Variants in FGD2 observed in about 807,000 individuals in gnomAD.
FGD2 encodes FYVE, RhoGEF and PH domain containing 2, also known as FYVE, RhoGEF and PH domain-containing protein 2.
A neutral mutation model predicts 75.9 loss-of-function variants in FGD2; 52 were observed. The observed-to-expected ratio is 0.69, with a 90% CI of 0.55 to 0.86. FGD2 has a LOEUF of 0.86. Among genes scored for constraint, FGD2 ranks in the 40% least tolerant of loss-of-function variants. The pLI, the probability that FGD2 is intolerant of heterozygous loss-of-function variation, is 0.00. For synonymous variants in FGD2, 347 were observed against 348.6 expected (o/e 1.00, Z 0.05); for missense variants, 790 against 872.0 (o/e 0.91, Z 1.18).
chr6:37,018,978 G>A (rs970621897), intron 9 of FGD2, among the ~76,000 whole-genome samples: 4 of 152,180 alleles, frequency 2.6e-5, no homozygotes, highest in Non-Finnish European at 4.4e-5. Context: ...AACCTGCTGG[G>A]GAGCTGGAAG....
intron 1 of FGD2, 151 bp from the exon 2 acceptor site, chr6:37,008,683 T>C: frequency 3.4e-6 from 2 of 584,500 alleles, no homozygotes; most frequent in African/African-American, 3.8e-5. Context: ...GAAGTGAAAG[T>C]CTTACTCAGC....
rs555038456 is a variant in FGD2, at chr6:37,026,422, C to T, written c.1605+484C>T. 55 of 982,742 alleles carry T rather than the reference C, an allele frequency of 5.6e-5. 1 individual carries two copies. The South Asian group carries it at 2.4e-3, about 42-fold the overall frequency. 60.9% of individuals were successfully genotyped at this position (982,742 alleles called of 1,614,324 possible). On this transcript the variant is annotated intron_variant, in intron 14 of 15. Transcript: ENST00000274963. ...CCCAGGGCTGGAGGAGTGACTTGCC[C>T]AAGATCACACAGCAAGTTAGGAGCC...
rs1765203762 is a variant in FGD2, at chr6:37,014,894, G to A, written c.885G>A (p.Glu295=). The change falls in exon 8 of 16, where the codon GAG becomes GAA. Residue 295 remains glutamate (E), a splice_region_variant and synonymous_variant. Coordinates refer to ENST00000274963, the MANE Select transcript of FGD2 (RefSeq NM_173558.4). The stretch of plus-strand genomic sequence containing the variant: ...GAGGATGCACCCCAACCCCCTAGGA[G>A]CGGCTGCAGGACCTGTGGGAGGTGT... ...QHSNAAITEM[E]RLQDLWEVYQ... 3.1e-6 allele frequency: 5 copies of A among 1,613,662 alleles called. No individual in the cohort carries two copies. In the African/African-American group the frequency reaches 6.7e-5, roughly 22 times the overall value.
At chr6:37,021,929 G>A in intron 12 of FGD2, 1 of 490,448 alleles carries the variant, frequency 2.0e-6, no homozygotes, top group Non-Finnish European at 3.6e-6. Flanking sequence ...TGGAAGGTGA[G>A]TGAGGTGGGG....
intron 12 of FGD2, 198 bp downstream of exon 12, chr6:37,021,802 GAGCCTGTCTGCAC>G: frequency 3.5e-6 from 2 of 573,760 alleles, no homozygotes; most frequent in African/African-American, 3.7e-5. Flanking sequence ...CTTCCTTTGA[GAGCCTGTCTGCAC>G]AGCTGTCTTG....
At chr6:37,008,331 A>G (rs974623321) in intron 1 of FGD2, among the ~76,000 whole-genome samples, 1 of 152,204 alleles carries the variant, frequency 6.6e-6, no homozygotes, top group South Asian at 2.1e-4. Flanking sequence ...AGAACAGAGC[A>G]TCTGCTGCTG....
intron 5 of FGD2, 55 bp downstream of exon 5, chr6:37,013,820 C>A: frequency 6.2e-7 from 1 of 1,604,184 alleles, no homozygotes; most frequent in South Asian, 1.1e-5. Context: ...TGCAGTGGCT[C>A]AGGTTGCCTT....
chr6:37,009,337 A>G (rs1479199826), intron 2 of FGD2: 3 of 401,374 alleles, frequency 7.5e-6, no homozygotes, highest in Non-Finnish European at 1.4e-5. Context: ...GAACTTATTC[A>G]AGGCCACACA....
At chr6:37,009,168 G>C in intron 2 of FGD2, 103 bp downstream of exon 2, 1 of 1,164,130 alleles carries the variant, frequency 8.6e-7, no homozygotes, top group Non-Finnish European at 1.2e-6. Context: ...AGTTCCCCAG[G>C]TGGGGGTATG....
At chr6:37,014,726 G>A (rs1765193061) in intron 7 of FGD2, 22 bp downstream of exon 7, 4 of 1,613,706 alleles carry the variant, frequency 2.5e-6, no homozygotes, top group African/African-American at 2.7e-5. Flanking sequence ...GCCCTCTCCT[G>A]GAGCCCTGTC....
chr6:37,023,623 TG>T (rs1442677235), intron 13 of FGD2: 3 of 152,242 alleles, frequency 2.0e-5, no homozygotes, highest in African/African-American at 4.8e-5. Context: ...CTGGACAGGT[TG>T]GGGCCAGTCA....
chr6:37,020,693 T>C lies in FGD2; in HGVS notation c.1203-16T>C. The C allele has an allele frequency of 6.3e-7, 1 of 1,575,772 alleles. No homozygotes were observed. The highest frequency in any genetic ancestry group is 2.3e-5 in the East Asian group (1 of 43,180). On this transcript the variant is annotated splice_polypyrimidine_tract_variant and intron_variant, in intron 10 of 15. Coordinates refer to ENST00000274963, the MANE Select transcript of FGD2 (RefSeq NM_173558.4). ...GGGGCTGATCTCCTCAACACCTGTGTTCACTTTCCGAGCAGGTCCCAGGAG... is the reference window on the plus strand; with the variant it reads ...GGGGCTGATCTCCTCAACACCTGTGCTCACTTTCCGAGCAGGTCCCAGGAG...
At chr6:37,027,759 C>A in intron 15 of FGD2, 184 bp downstream of exon 15, 2 of 1,014,198 alleles carry the variant, frequency 2.0e-6, no homozygotes, top group Non-Finnish European at 1.4e-6. Context: ...GACTCTAGGT[C>A]ACCACTGCTT....
intron 9 of FGD2, among the ~76,000 whole-genome samples, chr6:37,019,679 T>G (rs1765469548): frequency 6.6e-6 from 1 of 152,148 alleles, no homozygotes; most frequent in Non-Finnish European, 1.5e-5. Context: ...CATCTCACCC[T>G]TGGGGGCTGA....
intron 14 of FGD2, 150 bp downstream of exon 14, chr6:37,026,088 C>T: frequency 6.9e-7 from 1 of 1,459,298 alleles, no homozygotes; most frequent in Non-Finnish European, 9.0e-7. Context: ...TCTCTGCCCA[C>T]AGACCCCAGG....
chr6:37,021,551 G>A lies in FGD2; in HGVS notation c.1273G>A (p.Glu425Lys), dbSNP rs1765593205. ...AAIDQIEKRN[E>K]TFKAAAQGPE... Reference sequence around the variant, plus strand: ...CATTGACCAAATCGAGAAGCGGAATGAAACCTTCAAGGCTGCGGCCCAGGG... The same window carrying A: ...CATTGACCAAATCGAGAAGCGGAATAAAACCTTCAAGGCTGCGGCCCAGGG... Residue 425 changes from glutamate to lysine, a missense_variant, in exon 12 of 16, where the codon GAA (glutamate) becomes AAA (lysine). Coordinates refer to ENST00000274963, the MANE Select transcript of FGD2 (RefSeq NM_173558.4). The A allele has an allele frequency of 6.2e-7, 1 of 1,614,006 alleles. No individual in the cohort carries two copies. The highest frequency in any genetic ancestry group is 8.5e-7 in the Non-Finnish European group (1 of 1,179,924).
At chr6:37,011,980 G>A in intron 4 of FGD2, 126 bp downstream of exon 4, 1 of 1,073,414 alleles carries the variant, frequency 9.3e-7, no homozygotes, top group Middle Eastern at 3.0e-4. Context: ...ATGCCTCCCT[G>A]GGGCTCGGTC....
At chr6:37,016,484 C>A (rs1450726631) in intron 9 of FGD2, among the ~76,000 whole-genome samples, 1 of 151,628 alleles carries the variant, frequency 6.6e-6, no homozygotes, top group Non-Finnish European at 1.5e-5. Flanking sequence ...GGGGGGACCA[C>A]AAGATCCTCC....
At position 37,028,010 on chromosome 6, in the gene FGD2, G is replaced by T; in HGVS notation, c.1815G>T (p.Gly605=). Residue 605 remains glycine (G), a synonymous_variant, in exon 16 of 16, where the codon GGG becomes GGT. Transcript: ENST00000274963. ...LGYQVTVGPQ[G]DPRVFQLQQS... ...ACCAGGTGACTGTTGGGCCCCAGGG[G>T]GACCCTCGGGTCTTCCAGCTACAGC... 6.2e-7 allele frequency: 1 copy of T among 1,614,098 alleles called. No individual in the cohort carries two copies. Among genetic ancestry groups the T allele is most frequent in the Non-Finnish European group, 8.5e-7 (1 of 1,180,034 alleles).
Sources: gnomAD v4.1 joint callset for allele counts (sites outside exome capture counted in the v4.1 genomes callset) on GRCh38, gnomAD v4.1.1 for gene constraint, MANE v1.5 for transcripts, NCBI Gene and HGNC (gene_info 2026-07-23, HGNC 2026-07-21) for gene names.